The following CDC73 variants were observed in gnomAD, a reference collection of about 807,000 sequenced individuals.
CDC73 encodes the protein parafibromin.
A neutral mutation model predicts 83.7 loss-of-function variants in CDC73; 21 were observed. The observed-to-expected ratio is 0.25, with a 90% confidence interval of 0.18 to 0.36. The LOEUF (loss-of-function observed/expected upper bound fraction) is 0.36. Ranked by LOEUF, CDC73 falls within the 10% of genes least tolerant of loss-of-function variation. The probability of loss-of-function intolerance (pLI) is 1.00; values close to 1 mark genes in which losing one functional copy is unlikely to be tolerated. For synonymous variants in CDC73, 224 were observed against 212.9 expected (o/e 1.05, Z -0.45); for missense variants, 342 against 653.3 (o/e 0.52, Z 5.19).
At chr1:193,207,325 C>A (rs553588948) in intron 11 of CDC73, among the ~76,000 whole-genome samples, 2 of 152,230 alleles carry the variant, frequency 1.3e-5, no homozygotes, top group African/African-American at 4.8e-5. Context: ...GGTCTATGTC[C>A]CTCTCTGCAC....
intron 5 of CDC73, among the ~76,000 whole-genome samples, chr1:193,137,861 G>T (rs549306400): frequency 6.6e-6 from 1 of 152,140 alleles, no homozygotes; most frequent in African/African-American, 2.4e-5. Context: ...AAGTAGCTAA[G>T]CAAGTTTTTC....
chr1:193,137,969 C>G (rs1675830073), intron 5 of CDC73, 116 bp from the exon 6 acceptor site: 3 of 778,266 alleles, frequency 3.9e-6, no homozygotes, highest in Middle Eastern at 2.3e-4. Context: ...CCTAAAGACA[C>G]TGATACCTAG....
rs548758533 is a variant in CDC73 at position 193,244,563 on chromosome 1, CCAAA to C, written c.1418-5158_1418-5155del. Among the ~76,000 whole-genome samples the C allele has an allele frequency of 7.0e-4, 107 of 152,244 alleles. 2 individuals carry two copies. The South Asian group carries it at 0.018, about 25-fold the overall frequency. On this transcript the variant is annotated intron_variant, in intron 15 of 16. Coordinates refer to ENST00000367435, the MANE Select transcript of CDC73 (RefSeq NM_024529.5). ...ACCCTGTCTCAAACTGAACAACCAA[CCAAA>C]CAAACAAAGTAGCAAGTGTAACGTT...
intron 13 of CDC73, among the ~76,000 whole-genome samples, chr1:193,231,122 C>T (rs1677655604): frequency 6.6e-6 from 1 of 152,056 alleles, no homozygotes; most frequent in Admixed American, 6.5e-5. Flanking sequence ...ATAGATCACT[C>T]ATTTGTATGT....
rs565662995 is a variant in CDC73, at chr1:193,188,574, A to G, written c.973-15221A>G. On this transcript the variant is annotated intron_variant, in intron 10 of 16. Transcript: ENST00000367435. Reference sequence around the variant, plus strand: ...CTACTGTGTACCAACATGTGCATTTAGGCATAGCTTATTAAGTATAGGGGA... The same window carrying G: ...CTACTGTGTACCAACATGTGCATTTGGGCATAGCTTATTAAGTATAGGGGA... Among the ~76,000 whole-genome samples the G allele has an allele frequency of 2.6e-4, 40 of 152,236 alleles. 1 individual carries two copies. In the South Asian group the frequency reaches 7.9e-3, roughly 30 times the overall value.
intron 10 of CDC73, among the ~76,000 whole-genome samples, chr1:193,184,692 A>C (rs545458414): frequency 6.6e-6 from 1 of 152,052 alleles, no homozygotes; most frequent in Admixed American, 6.5e-5. Flanking sequence ...GGTGACTTCA[A>C]TATTGAGAGA....
At chr1:193,168,454 G>A (rs1676468626) in intron 10 of CDC73, among the ~76,000 whole-genome samples, 1 of 151,892 alleles carries the variant, frequency 6.6e-6, no homozygotes, top group Admixed American at 6.5e-5. Flanking sequence ...TTTGTGATTT[G>A]TATTGTGCCA....
chr1:193,212,078 A>G lies in CDC73; in HGVS notation c.1044A>G (p.Arg348=). The part of the protein sequence containing the change: ...QPVPRPVSQA[R]PPPNQKKGSR... ...TCTTTTTCACAGTTTCTCAAGCAAG[A>G]CCTCCCCCAAATCAGAAGAAAGGTG... Residue 348 remains arginine (R), a synonymous_variant, in exon 12 of 17, where the codon AGA becomes AGG. Coordinates refer to ENST00000367435, the MANE Select transcript of CDC73 (RefSeq NM_024529.5). 2 of 1,585,178 alleles carry G rather than the reference A, an allele frequency of 1.3e-6. No individual in the cohort carries two copies. Among genetic ancestry groups the G allele is most frequent in the Non-Finnish European group, 1.7e-6 (2 of 1,161,070 alleles).
At chr1:193,234,208 CACACACACACACAT>C (rs1366600987) in intron 14 of CDC73, among the ~76,000 whole-genome samples, 173 of 28,546 alleles carry the variant, frequency 6.1e-3, no homozygotes, top group East Asian at 0.023. Flanking sequence ...CACACACACA[CACACACACACACAT>C]ATATATATTT....
chr1:193,228,999 G>A (rs1238183176), intron 13 of CDC73, among the ~76,000 whole-genome samples: 4 of 151,838 alleles, frequency 2.6e-5, no homozygotes, highest in Admixed American at 1.3e-4. Context: ...GCCAATCAGC[G>A]CATGAAAAAA....
intron 11 of CDC73, 74 bp from the exon 12 acceptor site, chr1:193,211,991 C>G (rs893089319): frequency 5.3e-6 from 6 of 1,126,368 alleles, no homozygotes; most frequent in Non-Finnish European, 7.9e-6. Flanking sequence ...TAAAAAATAT[C>G]CCTTATTTGT....
At chr1:193,248,985 A>G (rs1677998375) in intron 15 of CDC73, among the ~76,000 whole-genome samples, 1 of 152,088 alleles carries the variant, frequency 6.6e-6, no homozygotes, top group Non-Finnish European at 1.5e-5. Flanking sequence ...AGAGTTTGAG[A>G]GGATTAACTC....
chr1:193,131,843 T>C (rs923120386), intron 3 of CDC73, among the ~76,000 whole-genome samples: 3 of 152,230 alleles, frequency 2.0e-5, no homozygotes, highest in Non-Finnish European at 2.9e-5. Context: ...ATCGAAAATA[T>C]AGTATTCCTT....
intron 15 of CDC73, among the ~76,000 whole-genome samples, chr1:193,244,757 C>G (rs1018241842): frequency 6.6e-6 from 1 of 152,038 alleles, no homozygotes; most frequent in Non-Finnish European, 1.5e-5. Context: ...TCTTGAGAAC[C>G]CCTCTCTAAA....
chr1:193,225,272 A>ATATATC (rs1202275735), intron 13 of CDC73, among the ~76,000 whole-genome samples: 1 of 148,564 alleles, frequency 6.7e-6, no homozygotes, highest in Admixed American at 6.7e-5. Context: ...ATATATATAT[A>ATATATC]TCCACATACT....
At chr1:193,211,374 G>C (rs1677277536) in intron 11 of CDC73, among the ~76,000 whole-genome samples, 1 of 152,182 alleles carries the variant, frequency 6.6e-6, no homozygotes, top group African/African-American at 2.4e-5. Flanking sequence ...GGTAGATTCA[G>C]TATTTTTATC....
rs559095804 is a variant in CDC73 at position 193,251,622 on chromosome 1, A to G, written c.*910A>G. 3 of 232,248 alleles carry G rather than the reference A, an allele frequency of 1.3e-5. No homozygotes were observed. The South Asian group carries it at 5.4e-4, about 42-fold the overall frequency. The allele number at this position is 232,248 out of a possible 1,614,324, so 14.4% of individuals were successfully genotyped here. On this transcript the variant is annotated 3_prime_UTR_variant, in exon 17 of 17. Transcript: ENST00000367435. The stretch of plus-strand genomic sequence containing the variant: ...GAGTTCTTATCTTCCATTATCCCTA[A>G]ATATTGATAAACTCCCAGGCACCAA...
At chr1:193,173,884 G>A (rs562977628) in intron 10 of CDC73, among the ~76,000 whole-genome samples, 2 of 152,064 alleles carry the variant, frequency 1.3e-5, no homozygotes, top group South Asian at 4.2e-4. Flanking sequence ...GATTTTAGAA[G>A]TCTAATGAGC....
rs553383054 is a variant in CDC73, at chr1:193,185,349, C to T, written c.973-18446C>T. Among the ~76,000 whole-genome samples the T allele has an allele frequency of 4.6e-5, 7 of 152,094 alleles. No individual in the cohort carries two copies. The South Asian group carries it at 8.3e-4, about 18-fold the overall frequency. On this transcript the variant is annotated intron_variant, in intron 10 of 16. Transcript: ENST00000367435. Reference sequence around the variant, plus strand: ...TCTATTCATGGTCACTATAATAACACGAGGCTCTATTGTGGGGTTATGCAT... The same window carrying T: ...TCTATTCATGGTCACTATAATAACATGAGGCTCTATTGTGGGGTTATGCAT...
Sources: allele counts gnomAD v4.1 joint callset (sites outside exome capture counted in the v4.1 genomes callset), GRCh38; gene constraint gnomAD v4.1.1; transcripts MANE v1.5; gene names NCBI Gene and HGNC (gene_info 2026-07-23, HGNC 2026-07-21).